FGF20: variants seen among roughly 807,000 people sequenced by gnomAD.
The protein encoded by FGF20 is fibroblast growth factor 20.
Under a neutral mutation model 16.7 loss-of-function variants are expected in FGF20, and 8 were observed. The ratio of observed to expected loss-of-function variants is 0.48; its 90% CI spans 0.28 to 0.87. The LOEUF (loss-of-function observed/expected upper bound fraction) is 0.87, where lower values mean the gene tolerates loss of function less well. FGF20 is among the 40% of genes least tolerant of loss of function. FGF20 has a pLI of 0.10. For missense variants in FGF20, 397 were observed against 281.4 expected, an observed-to-expected ratio of 1.41 and a Z score of -2.94; for synonymous variants, 161 against 118.6, an observed-to-expected ratio of 1.36 and a Z score of -2.32.
rs1452295762 is a variant in FGF20 at position 17,001,994 on chromosome 8, G to C, written c.39C>G (p.Gly13=). The C allele has an allele frequency of 2.6e-6, 4 of 1,528,738 alleles. No homozygotes were observed. The South Asian group carries it at 4.8e-5, about 19-fold the overall frequency. The allele number at this position is 1,528,738 out of a possible 1,614,324, so 94.7% of individuals were successfully genotyped here. A position where few individuals can be genotyped will look rare whatever the true frequency, so the allele number is the denominator to read the frequency against. The change falls in exon 1 of 3, where the codon GGC becomes GGG. Residue 13 remains glycine (G), a synonymous_variant. Coordinates refer to ENST00000180166, the MANE Select transcript of FGF20 (RefSeq NM_019851.3). ...CCACCTGCTGGCCCAAGCCCTCCAG[G>C]CCGCCCAGAAAGCCCCCGACTTCGG... ...PLAEVGGFLG[G]LEGLGQQVGS...
At chr8:16,998,211 A>G (rs1318498436) in intron 1 of FGF20, among the ~76,000 whole-genome samples, 1 of 152,212 alleles carries the variant, frequency 6.6e-6, no homozygotes, top group South Asian at 2.1e-4. Flanking sequence ...TAGAAAGACA[A>G]AAGGTTATTT....
intron 1 of FGF20, 137 bp downstream of exon 1, chr8:17,001,610 A>T: frequency 2.0e-6 from 2 of 987,532 alleles, no homozygotes; most frequent in Non-Finnish European, 2.7e-6. Context: ...TGCGTCTTGC[A>T]CCGGATGGGT....
rs190077816 is a variant in FGF20, at chr8:16,997,432, C to T, written c.287-1674G>A. On this transcript the variant is annotated intron_variant, in intron 1 of 2. Coordinates refer to ENST00000180166, the MANE Select transcript of FGF20 (RefSeq NM_019851.3). ...TATTGTACAAGTTCCTGTTTGGACA[C>T]GTGATACTCCCAAGGCCAAGGGAAA... Among the ~76,000 whole-genome samples the T allele has an allele frequency of 1.1e-3, 160 of 152,258 alleles. 1 individual carries two copies. Among genetic ancestry groups the T allele is most frequent in the African/African-American group, 3.6e-3 (148 of 41,538 alleles).
At chr8:17,000,314 AG>A (rs1198874803) in intron 1 of FGF20, among the ~76,000 whole-genome samples, 3 of 152,320 alleles carry the variant, frequency 2.0e-5, no homozygotes. Flanking sequence ...TAATTTTCTA[AG>A]CCTTTAAGTG....
chr8:16,999,401 A>C (rs1374631987), intron 1 of FGF20, among the ~76,000 whole-genome samples: 3 of 152,152 alleles, frequency 2.0e-5, no homozygotes, highest in African/African-American at 7.2e-5. Context: ...GAATGTTATC[A>C]AGTCTACAAA....
chr8:16,995,478 T>C (rs536725888), intron 2 of FGF20, among the ~76,000 whole-genome samples, 177 bp downstream of exon 2: 3 of 152,286 alleles, frequency 2.0e-5, no homozygotes, highest in South Asian at 2.1e-4. Flanking sequence ...AAAAATATAA[T>C]TGAGTTACTA....
intron 2 of FGF20, 30 bp from the exon 3 acceptor site, chr8:16,993,347 TA>T: frequency 6.4e-7 from 1 of 1,553,996 alleles, no homozygotes; most frequent in Non-Finnish European, 8.7e-7. Context: ...TATTATTTTT[TA>T]AAAAAATACC....
In FGF20 at chr8:17,002,235, A is replaced by T. The variant is rs1334194143; in HGVS notation, c.-203T>A. ...TTGGAGCGATCTTCTCTCCTTGGGT[A>T]GGTGGGAGCCGGCTGCTGGCTCTGC... is the stretch of plus-strand genomic sequence containing the variant. On this transcript the variant is annotated 5_prime_UTR_variant, in exon 1 of 3. Coordinates refer to ENST00000180166, the MANE Select transcript of FGF20 (RefSeq NM_019851.3). 2.0e-6 allele frequency: 1 copy of T among 498,742 alleles called. No individual in the cohort carries two copies. Among genetic ancestry groups the T allele is most frequent in the Non-Finnish European group, 3.3e-6 (1 of 298,824 alleles). 30.9% of individuals were successfully genotyped at this position (498,742 alleles called of 1,614,324 possible). A position where few individuals can be genotyped will look rare whatever the true frequency, so the allele number is the denominator to read the frequency against.
At chr8:16,997,855 TG>T (rs1810091252) in intron 1 of FGF20, among the ~76,000 whole-genome samples, 1 of 152,236 alleles carries the variant, frequency 6.6e-6, no homozygotes, top group Non-Finnish European at 1.5e-5. Context: ...TATATATTAA[TG>T]TAACTTCATT....
intron 1 of FGF20, among the ~76,000 whole-genome samples, chr8:16,998,308 G>T (rs2150435739): frequency 6.6e-6 from 1 of 152,238 alleles, no homozygotes; most frequent in Middle Eastern, 3.4e-3. Flanking sequence ...AAATAATTTT[G>T]CAATGGCTCA....
At chr8:16,995,596 AATAG>A (rs1218470918) in intron 2 of FGF20, 55 bp downstream of exon 2, 60 of 697,448 alleles carry the variant, frequency 8.6e-5, no homozygotes, top group African/African-American at 7.2e-4. Flanking sequence ...TTAATTACAT[AATAG>A]ATAGTCAATA....
At chr8:16,998,183 C>T (rs17550060) in intron 1 of FGF20, among the ~76,000 whole-genome samples, 5 of 151,918 alleles carry the variant, frequency 3.3e-5, no homozygotes, top group Non-Finnish European at 5.9e-5. Context: ...GTCAGCTTGC[C>T]GAAAAAATAT....
intron 1 of FGF20, among the ~76,000 whole-genome samples, chr8:16,997,251 C>T (rs964404368): frequency 4.8e-4 from 73 of 152,292 alleles, no homozygotes; most frequent in African/African-American, 1.7e-3. Flanking sequence ...CTTCCCTCTT[C>T]AACTCTGCTG....
At chr8:16,996,015 G>A (rs1409118820) in intron 1 of FGF20, among the ~76,000 whole-genome samples, 2 of 152,148 alleles carry the variant, frequency 1.3e-5, no homozygotes, top group Non-Finnish European at 1.5e-5. Flanking sequence ...ACCTCTGACC[G>A]GCCTGCGTGC....
At chr8:16,998,501 C>A (rs1185698928) in intron 1 of FGF20, among the ~76,000 whole-genome samples, 1 of 152,114 alleles carries the variant, frequency 6.6e-6, no homozygotes, top group Non-Finnish European at 1.5e-5. Flanking sequence ...TAAGCTAATT[C>A]CTTTACAAAG....
intron 1 of FGF20, among the ~76,000 whole-genome samples, chr8:16,998,630 C>G (rs1015559320): frequency 6.6e-6 from 1 of 152,090 alleles, no homozygotes; most frequent in Admixed American, 6.6e-5. Flanking sequence ...ACCTTCAAAG[C>G]CAGTCTTTTT....
chr8:16,993,968 C>T (rs1474231960), intron 2 of FGF20, among the ~76,000 whole-genome samples: 2 of 152,278 alleles, frequency 1.3e-5, no homozygotes, highest in East Asian at 3.9e-4. Context: ...CACTTGCCTG[C>T]TGCTCACCTC....
chr8:16,996,612 G>A (rs1296412389), intron 1 of FGF20, among the ~76,000 whole-genome samples: 2 of 151,894 alleles, frequency 1.3e-5, no homozygotes, highest in Non-Finnish European at 2.9e-5. Flanking sequence ...TTTTATCTAC[G>A]ATAAATCAAG....
intron 1 of FGF20, among the ~76,000 whole-genome samples, chr8:16,996,158 T>G (rs1810039771): frequency 6.6e-6 from 1 of 152,080 alleles, no homozygotes; most frequent in Non-Finnish European, 1.5e-5. Flanking sequence ...ACCTCGAACC[T>G]CTCTTGCTTT....
Sources: allele counts gnomAD v4.1 joint callset (sites outside exome capture counted in the v4.1 genomes callset), GRCh38; gene constraint gnomAD v4.1.1; transcripts MANE v1.5; gene names NCBI Gene and HGNC (gene_info 2026-07-23, HGNC 2026-07-21).